EFL1: variants seen among roughly 807,000 people sequenced by gnomAD.
EFL1 encodes the protein elongation factor-like GTPase 1.
A neutral mutation model predicts 126.7 loss-of-function variants in EFL1; 76 were observed. That is an observed-to-expected ratio of 0.60 (90% CI 0.50 to 0.73). EFL1 has a LOEUF of 0.73. Ranked by LOEUF, EFL1 falls within the 30% of genes least tolerant of loss-of-function variation. EFL1 has a pLI of 0.00. For missense variants in EFL1, 1,128 were observed against 1,343.2 expected (o/e 0.84, Z 2.50); for synonymous variants, 410 against 448.4 (o/e 0.91, Z 1.08).
Position 82,236,182 on chromosome 15 carries a change from G to A in EFL1, c.731+2125C>T, listed in dbSNP as rs1217328568. ...GAATTTTTAAAAATTTTAAATAAAA[G>A]GAGAGGCATAGTGTTCATGGAATAG... On this transcript the variant is annotated intron_variant, in intron 7 of 19. Transcript: ENST00000268206. Among the ~76,000 whole-genome samples the A allele has an allele frequency of 2.6e-5, 4 of 152,032 alleles. No homozygotes were observed. The East Asian group carries it at 7.7e-4, about 29-fold the overall frequency.
rs564000581 is a variant in EFL1, at chr15:82,177,236, C to T, written c.1751-13252G>A. 2.6e-5 allele frequency among the ~76,000 whole-genome samples: 4 copies of T among 152,248 alleles called. No homozygotes were observed. The South Asian group carries it at 8.3e-4, about 32-fold the overall frequency. On this transcript the variant is annotated intron_variant, in intron 15 of 19. Coordinates refer to ENST00000268206, the MANE Select transcript of EFL1 (RefSeq NM_024580.6). ...TGCATCTTATGCATCAATAAGTATA[C>T]TTAAAATGTTATTTGACACAAATTA...
At chr15:82,247,161 GGGTACCTCATTAATC>G (rs1353560613) in intron 4 of EFL1, among the ~76,000 whole-genome samples, 2 of 152,040 alleles carry the variant, frequency 1.3e-5, no homozygotes, top group African/African-American at 4.8e-5. Flanking sequence ...GTCAAAGAAT[GGGTACCTCATTAATC>G]AGGTGAAAGA....
intron 14 of EFL1, among the ~76,000 whole-genome samples, chr15:82,219,194 T>A (rs1352897915): frequency 6.6e-6 from 1 of 152,248 alleles, no homozygotes; most frequent in African/African-American, 2.4e-5. Flanking sequence ...ATGCTGCCTG[T>A]TCACCTACTT....
In EFL1 at chr15:82,241,415, T is replaced by C. The variant is rs772252080; in HGVS notation, c.245-12A>G. On this transcript the variant is annotated splice_polypyrimidine_tract_variant and intron_variant, in intron 4 of 19. Transcript: ENST00000268206. Reference sequence around the variant, plus strand: ...GTACTCCTCATTACCTAAAATACAATTTGTAAACACACATTTTCAGTTGTC... The same window carrying C: ...GTACTCCTCATTACCTAAAATACAACTTGTAAACACACATTTTCAGTTGTC... 5 of 1,610,246 alleles carry C rather than the reference T, an allele frequency of 3.1e-6. No homozygotes were observed. Among genetic ancestry groups the C allele is most frequent in the East Asian group, 2.2e-5 (1 of 44,802 alleles).
intron 3 of EFL1, among the ~76,000 whole-genome samples, chr15:82,255,112 T>C (rs2075055857): frequency 6.6e-6 from 1 of 152,242 alleles, no homozygotes; most frequent in Admixed American, 6.5e-5. Flanking sequence ...TTTTCCAAAT[T>C]GTTGGACTGA....
At chr15:82,250,998 G>A (rs1281323844) in intron 4 of EFL1, among the ~76,000 whole-genome samples, 15 of 151,978 alleles carry the variant, frequency 9.9e-5, no homozygotes, top group Non-Finnish European at 8.8e-5. Flanking sequence ...GATCACCTGC[G>A]GTCAGGAGTT....
At chr15:82,132,725 G>A (rs886135690) in intron 19 of EFL1, among the ~76,000 whole-genome samples, 3 of 148,588 alleles carry the variant, frequency 2.0e-5, no homozygotes, top group East Asian at 2.0e-4. Flanking sequence ...AGGGCGAATG[G>A]ATGGAATTTA....
chr15:82,173,465 A>G (rs1365922964), intron 15 of EFL1, among the ~76,000 whole-genome samples: 2 of 152,184 alleles, frequency 1.3e-5, no homozygotes, highest in Non-Finnish European at 2.9e-5. Context: ...GTACAATTAA[A>G]GAAAAACATG....
chr15:82,156,624 TTGTATAG>T (rs2073970702), intron 17 of EFL1, among the ~76,000 whole-genome samples: 1 of 151,984 alleles, frequency 6.6e-6, no homozygotes, highest in Non-Finnish European at 1.5e-5. Flanking sequence ...CCAGGTGTTG[TTGTATAG>T]TTACTACTAC....
chr15:82,210,692 T>A (rs1053042949), intron 15 of EFL1, among the ~76,000 whole-genome samples: 2 of 151,722 alleles, frequency 1.3e-5, no homozygotes, highest in African/African-American at 2.4e-5. Flanking sequence ...TGAAACCCCA[T>A]CTCTACTAAA....
intron 15 of EFL1, among the ~76,000 whole-genome samples, chr15:82,185,064 C>T (rs991092121): frequency 1.3e-5 from 2 of 152,128 alleles, no homozygotes; most frequent in African/African-American, 4.8e-5. Context: ...TGGATTTTGT[C>T]TGTTAGAGAC....
At chr15:82,227,924 C>T (rs559537635) in intron 10 of EFL1, among the ~76,000 whole-genome samples, 43 of 152,264 alleles carry the variant, frequency 2.8e-4, no homozygotes, top group African/African-American at 1.0e-3. Context: ...TTAGTGTAAA[C>T]ATTTTTATTT....
chr15:82,189,545 G>C (rs532322975), intron 15 of EFL1, among the ~76,000 whole-genome samples: 2 of 152,014 alleles, frequency 1.3e-5, no homozygotes, highest in Non-Finnish European at 2.9e-5. Flanking sequence ...AAACCATCTG[G>C]ATGTTCTAGA....
At chr15:82,130,913 G>A (rs1413453217) in intron 19 of EFL1, among the ~76,000 whole-genome samples, 1 of 152,176 alleles carries the variant, frequency 6.6e-6, no homozygotes, top group Non-Finnish European at 1.5e-5. Context: ...TACTAGGGAG[G>A]CTGAGGCAGA....
intron 19 of EFL1, among the ~76,000 whole-genome samples, chr15:82,131,332 G>A (rs2073641237): frequency 6.6e-6 from 1 of 151,842 alleles, no homozygotes; most frequent in Non-Finnish European, 1.5e-5. Context: ...CTGCTCTGTT[G>A]CCCAGGCTGG....
intron 6 of EFL1, among the ~76,000 whole-genome samples, chr15:82,239,569 G>T (rs2074909902): frequency 6.6e-6 from 1 of 152,144 alleles, no homozygotes; most frequent in African/African-American, 2.4e-5. Flanking sequence ...CTGTGTTGAG[G>T]AAGACATTTC....
At chr15:82,155,455 G>A (rs573546536) in intron 17 of EFL1, among the ~76,000 whole-genome samples, 125 of 152,224 alleles carry the variant, frequency 8.2e-4, no homozygotes, top group African/African-American at 2.8e-3. Flanking sequence ...TAAGCTGAGA[G>A]TGGACCACTG....
At chr15:82,248,503 A>T (rs1224635747) in intron 4 of EFL1, among the ~76,000 whole-genome samples, 1 of 152,136 alleles carries the variant, frequency 6.6e-6, no homozygotes, top group Non-Finnish European at 1.5e-5. Context: ...CAGAGCTGAA[A>T]TCAACACATG....
chr15:82,199,644 T>C (rs1293218542), intron 15 of EFL1, among the ~76,000 whole-genome samples: 1 of 152,238 alleles, frequency 6.6e-6, no homozygotes, highest in African/African-American at 2.4e-5. Context: ...AGTGAACTTA[T>C]TTAAATTCAC....
Sources: allele counts gnomAD v4.1 joint callset (sites outside exome capture counted in the v4.1 genomes callset), GRCh38; gene constraint gnomAD v4.1.1; transcripts MANE v1.5; gene names NCBI Gene and HGNC (gene_info 2026-07-23, HGNC 2026-07-21).